Variants in TESK2 observed in about 807,000 individuals in gnomAD.
TESK2 encodes testis associated actin remodelling kinase 2, also known as dual specificity testis-specific protein kinase 2.
Under a neutral mutation model 57.1 loss-of-function variants are expected in TESK2, and 39 were observed. The ratio of observed to expected loss-of-function variants is 0.68; its 90% confidence interval spans 0.53 to 0.89. The LOEUF (loss-of-function observed/expected upper bound fraction) is 0.89. Ranked by LOEUF, TESK2 falls within the 40% of genes least tolerant of loss-of-function variation. The pLI is 0.00. For synonymous variants in TESK2, 249 were observed against 267.9 expected (o/e 0.93, Z 0.69); for missense variants, 646 against 732.1 (o/e 0.88, Z 1.36).
chr1:45,432,493 C>A (rs533275570), intron 2 of TESK2, among the ~76,000 whole-genome samples: 1 of 151,524 alleles, frequency 6.6e-6, no homozygotes, highest in South Asian at 2.1e-4. Flanking sequence ...AGATCAAGAC[C>A]ATCCTGGCTA....
Position 45,473,736 on chromosome 1 carries a change from G to A in TESK2, c.-86-15865C>T, listed in dbSNP as rs542481260. 1.1e-4 allele frequency among the ~76,000 whole-genome samples: 16 copies of A among 151,370 alleles called. No homozygotes were observed. The East Asian group carries it at 3.1e-3, about 29-fold the overall frequency. ...GAATTAACAGTTAAAATAACCAAAT[G>A]CAATGATGATACTTGGCTAGATCCT... is the stretch of plus-strand genomic sequence containing the variant. On this transcript the variant is annotated intron_variant, in intron 1 of 10. Transcript: ENST00000372086.
At chr1:45,402,231 A>G (rs1371003235) in intron 3 of TESK2, among the ~76,000 whole-genome samples, 1 of 151,716 alleles carries the variant, frequency 6.6e-6, no homozygotes, top group African/African-American at 2.4e-5. Context: ...CTCTAAAAAA[A>G]TAAAAAAATT....
chr1:45,369,716 C>CTT (rs922027763), intron 4 of TESK2, among the ~76,000 whole-genome samples: 3 of 141,894 alleles, frequency 2.1e-5, no homozygotes, highest in Non-Finnish European at 3.1e-5. Flanking sequence ...GATAATTTTT[C>CTT]TTTTTTTTTT....
chr1:45,417,122 G>A (rs1434749212), intron 3 of TESK2, among the ~76,000 whole-genome samples: 1 of 152,078 alleles, frequency 6.6e-6, no homozygotes, highest in Non-Finnish European at 1.5e-5. Context: ...CTTTTTTAGA[G>A]TTCATACATA....
intron 4 of TESK2, among the ~76,000 whole-genome samples, chr1:45,359,377 T>C (rs1486573815): frequency 2.6e-5 from 4 of 151,784 alleles, no homozygotes; most frequent in East Asian, 1.9e-4. Flanking sequence ...CTGGCCAACA[T>C]AGTGAAACCC....
intron 4 of TESK2, among the ~76,000 whole-genome samples, chr1:45,380,477 A>G (rs576793021): frequency 6.6e-6 from 1 of 152,328 alleles, no homozygotes; most frequent in African/African-American, 2.4e-5. Flanking sequence ...CAATCTATCC[A>G]GAGGCATCTC....
intron 2 of TESK2, among the ~76,000 whole-genome samples, chr1:45,427,444 T>C (rs1650746215): frequency 6.6e-6 from 1 of 152,144 alleles, no homozygotes; most frequent in African/African-American, 2.4e-5. Flanking sequence ...GTATGTCAAA[T>C]ACATATCTGC....
intron 1 of TESK2, among the ~76,000 whole-genome samples, chr1:45,464,028 T>C (rs1353789140): frequency 6.6e-6 from 1 of 152,200 alleles, no homozygotes. Flanking sequence ...AGGTCTTTTG[T>C]GGTTCTAAAA....
At chr1:45,413,929 A>G (rs892820384) in intron 3 of TESK2, 1 of 425,904 alleles carries the variant, frequency 2.3e-6, no homozygotes, top group Admixed American at 2.7e-5. Context: ...CCATACTAAC[A>G]AATAGTAACC....
intron 1 of TESK2, among the ~76,000 whole-genome samples, chr1:45,465,939 T>A (rs1652533293): frequency 6.6e-6 from 1 of 152,212 alleles, no homozygotes; most frequent in Non-Finnish European, 1.5e-5. Flanking sequence ...TTAGCGATAT[T>A]ATTAAAATTT....
At chr1:45,367,216 G>A (rs144665465) in intron 4 of TESK2, among the ~76,000 whole-genome samples, 2 of 152,240 alleles carry the variant, frequency 1.3e-5, no homozygotes, top group East Asian at 1.9e-4. Context: ...GCAAAAGACT[G>A]AGTCTGATCT....
chr1:45,462,587 T>C (rs1408844425), intron 1 of TESK2, among the ~76,000 whole-genome samples: 1 of 152,220 alleles, frequency 6.6e-6, no homozygotes, highest in Non-Finnish European at 1.5e-5. Flanking sequence ...TCTCATTTTT[T>C]TATGGCTGAA....
chr1:45,483,771 G>A (rs532561889), intron 1 of TESK2, among the ~76,000 whole-genome samples: 70 of 151,754 alleles, frequency 4.6e-4, no homozygotes, highest in African/African-American at 1.5e-3. Flanking sequence ...GCTGAAATGG[G>A]AGGAGTGTTG....
At chr1:45,446,196 C>G (rs1486101686) in intron 2 of TESK2, among the ~76,000 whole-genome samples, 2 of 148,714 alleles carry the variant, frequency 1.3e-5, no homozygotes, top group Non-Finnish European at 3.0e-5. Context: ...CAGGGTCTCA[C>G]TATTCTGCCC....
In TESK2 at chr1:45,360,634, C is replaced by T. The variant is rs373471537; in HGVS notation, c.394-5185G>A. On this transcript the variant is annotated intron_variant, in intron 4 of 10. Coordinates refer to ENST00000372086, the MANE Select transcript of TESK2 (RefSeq NM_007170.3). ...GCTTCTCCAGGCAAACTGGAAAAAG[C>T]GCAAACCAAGGACCAGAGAGGGAAA... Among the ~76,000 whole-genome samples, 18 of 152,296 alleles carry T rather than the reference C, an allele frequency of 1.2e-4. No individual in the cohort carries two copies. In the East Asian group the frequency reaches 1.5e-3, roughly 13 times the overall value.
intron 3 of TESK2, among the ~76,000 whole-genome samples, chr1:45,419,785 G>T (rs931611828): frequency 6.6e-6 from 1 of 151,932 alleles, no homozygotes; most frequent in African/African-American, 2.4e-5. Context: ...CAGCCTGGGC[G>T]ACAAGAGTGA....
At chr1:45,481,394 G>A (rs1351459454) in intron 1 of TESK2, among the ~76,000 whole-genome samples, 1 of 152,030 alleles carries the variant, frequency 6.6e-6, no homozygotes, top group Non-Finnish European at 1.5e-5. Flanking sequence ...TTGGGGGTGG[G>A]AAGTGCAGAA....
chr1:45,474,781 A>G (rs547441534), intron 1 of TESK2, among the ~76,000 whole-genome samples: 2 of 140,886 alleles, frequency 1.4e-5, no homozygotes, highest in Non-Finnish European at 1.5e-5. Flanking sequence ...CCTGGCCTCC[A>G]TCTCTTTTTT....
chr1:45,465,697 C>G (rs1281685311), intron 1 of TESK2, among the ~76,000 whole-genome samples: 3 of 152,064 alleles, frequency 2.0e-5, no homozygotes, highest in Non-Finnish European at 2.9e-5. Flanking sequence ...CTTAGAGATA[C>G]TCTTGCACAT....
Sources: allele counts gnomAD v4.1 joint callset (sites outside exome capture counted in the v4.1 genomes callset), GRCh38; gene constraint gnomAD v4.1.1; transcripts MANE v1.5; gene names NCBI Gene and HGNC (gene_info 2026-07-23, HGNC 2026-07-21).